Variants in VWA3B observed in about 807,000 individuals in gnomAD.
VWA3B encodes the protein von Willebrand factor A domain containing 3B, also known as von Willebrand factor A domain-containing protein 3B.
In VWA3B, 138 loss-of-function variants were observed where a neutral mutation model predicts 158.3. The ratio of observed to expected loss-of-function variants is 0.87; its 90% CI spans 0.76 to 1.00. The LOEUF is 1.00. Among genes scored for constraint, VWA3B ranks in the 50% least tolerant of loss-of-function variants. The pLI is 0.00. For synonymous variants in VWA3B, 596 were observed against 587.3 expected (o/e 1.01, Z -0.21); for missense variants, 1,555 against 1,565.1 (o/e 0.99, Z 0.11).
intron 7 of VWA3B, among the ~76,000 whole-genome samples, chr2:98,149,735 A>T (rs932037909): frequency 2.0e-5 from 3 of 152,146 alleles, no homozygotes; most frequent in African/African-American, 7.2e-5. Flanking sequence ...TAGTTCTAGG[A>T]AGTCACTGTG....
chr2:98,158,761 G>C (rs796967631), intron 7 of VWA3B, among the ~76,000 whole-genome samples: 37 of 151,626 alleles, frequency 2.4e-4, no homozygotes, highest in African/African-American at 8.0e-4. Context: ...GGACGGGGTG[G>C]GTGCAGCGGA....
At chr2:98,221,385 C>T (rs1684494311) in intron 14 of VWA3B, among the ~76,000 whole-genome samples, 1 of 152,194 alleles carries the variant, frequency 6.6e-6, no homozygotes, top group African/African-American at 2.4e-5. Context: ...AATATCTGTC[C>T]TGCTCCAGTC....
intron 19 of VWA3B, among the ~76,000 whole-genome samples, chr2:98,240,953 C>T (rs1686037559): frequency 6.6e-6 from 1 of 152,094 alleles, no homozygotes. Flanking sequence ...GTGTTGGGCT[C>T]TAGAATACAG....
At chr2:98,194,707 C>T (rs1170165025) in intron 12 of VWA3B, among the ~76,000 whole-genome samples, 1 of 152,178 alleles carries the variant, frequency 6.6e-6, no homozygotes, top group Non-Finnish European at 1.5e-5. Flanking sequence ...TTCTTATCTA[C>T]TCACAGTTCT....
the VWA3B span, among the ~76,000 whole-genome samples, chr2:98,325,370 C>A: frequency 4.3e-4 from 66 of 152,128 alleles, 1 homozygote; most frequent in East Asian, 0.012. Context: ...TGCAGTGGGA[C>A]AATATCATTA....
intron 7 of VWA3B, among the ~76,000 whole-genome samples, chr2:98,153,729 T>C (rs1677826121): frequency 1.3e-5 from 2 of 152,232 alleles, no homozygotes; most frequent in African/African-American, 4.8e-5. Flanking sequence ...TAAAATTCAG[T>C]TGAATTCAGC....
chr2:98,330,377 C>T, the VWA3B span, among the ~76,000 whole-genome samples: 2 of 152,092 alleles, frequency 1.3e-5, no homozygotes, highest in African/African-American at 2.4e-5. Context: ...CCCTCTTTAC[C>T]ACATCTCCTC....
intron 7 of VWA3B, among the ~76,000 whole-genome samples, chr2:98,135,241 A>G (rs981788483): frequency 9.2e-5 from 14 of 152,146 alleles, no homozygotes; most frequent in Non-Finnish European, 2.1e-4. Context: ...ATAAAGGGAA[A>G]TACAAACTGC....
chr2:98,148,862 A>G (rs974943774), intron 7 of VWA3B, among the ~76,000 whole-genome samples: 5 of 152,102 alleles, frequency 3.3e-5, no homozygotes, highest in African/African-American at 1.2e-4. Flanking sequence ...TGACCATTTG[A>G]CCATGATTTG....
intron 7 of VWA3B, among the ~76,000 whole-genome samples, chr2:98,140,190 G>A (rs116315139): frequency 1.7e-3 from 261 of 152,300 alleles, no homozygotes; most frequent in African/African-American, 5.9e-3. Flanking sequence ...GCACCGCGAA[G>A]GTCCGTGGCT....
intron 19 of VWA3B, among the ~76,000 whole-genome samples, chr2:98,248,006 C>T (rs1199991095): frequency 1.3e-5 from 2 of 151,966 alleles, no homozygotes; most frequent in African/African-American, 4.8e-5. Flanking sequence ...ACCCAGTTCA[C>T]CAGTTCTTTT....
intron 14 of VWA3B, among the ~76,000 whole-genome samples, chr2:98,218,605 G>A (rs973566933): frequency 6.6e-6 from 1 of 152,184 alleles, no homozygotes; most frequent in Admixed American, 6.5e-5. Flanking sequence ...TATTCTAATA[G>A]GCTAATGGGA....
At chr2:98,128,034 C>T in intron 5 of VWA3B, 1 of 547,828 alleles carries the variant, frequency 1.8e-6, no homozygotes, top group East Asian at 2.9e-5. Flanking sequence ...ACAATAGCCA[C>T]TGTTGACAGA....
At chr2:98,102,401 G>T (rs1477322295) in intron 2 of VWA3B, among the ~76,000 whole-genome samples, 1 of 151,976 alleles carries the variant, frequency 6.6e-6, no homozygotes, top group Non-Finnish European at 1.5e-5. Flanking sequence ...GGAGCTGTTG[G>T]GTACACCTGC....
At chr2:98,163,074 A>G (rs1573950125) in intron 8 of VWA3B, 98 bp downstream of exon 8, 5 of 1,547,822 alleles carry the variant, frequency 3.2e-6, no homozygotes, top group Middle Eastern at 3.6e-4. Context: ...GAAGCTCCAG[A>G]GCCCAGCTGC....
At chr2:98,177,367 T>C (rs575437765) in intron 8 of VWA3B, among the ~76,000 whole-genome samples, 20 of 152,262 alleles carry the variant, frequency 1.3e-4, no homozygotes, top group African/African-American at 4.3e-4. Context: ...TGTGAGCTCA[T>C]ACTTCTATAA....
intron 7 of VWA3B, among the ~76,000 whole-genome samples, chr2:98,143,928 A>AT (rs745681824): frequency 5.8e-4 from 87 of 151,134 alleles, no homozygotes; most frequent in African/African-American, 1.0e-3. Flanking sequence ...ATTTTTTTAA[A>AT]TTTTTTGTAG....
intron 26 of VWA3B, among the ~76,000 whole-genome samples, chr2:98,308,151 T>C (rs1342779629): frequency 6.6e-6 from 1 of 152,250 alleles, no homozygotes; most frequent in Non-Finnish European, 1.5e-5. Flanking sequence ...TTATCAATAT[T>C]GCTAAATTCC....
At chr2:98,109,470 A>G (rs1673960600) in intron 2 of VWA3B, among the ~76,000 whole-genome samples, 1 of 152,088 alleles carries the variant, frequency 6.6e-6, no homozygotes, top group Admixed American at 6.6e-5. Context: ...AATAAAATGT[A>G]TTATTTTATC....
Sources: gnomAD v4.1 joint callset for allele counts (sites outside exome capture counted in the v4.1 genomes callset) on GRCh38, gnomAD v4.1.1 for gene constraint, MANE v1.5 for transcripts, NCBI Gene and HGNC (gene_info 2026-07-23, HGNC 2026-07-21) for gene names.